MAP2K5: variants seen among roughly 807,000 people sequenced by gnomAD.
The protein encoded by MAP2K5 is mitogen-activated protein kinase kinase 5, also known as dual specificity mitogen-activated protein kinase kinase 5.
A neutral mutation model predicts 83.1 loss-of-function variants in MAP2K5; 49 were observed. The ratio of observed to expected loss-of-function variants is 0.59; its 90% CI spans 0.47 to 0.75. The LOEUF is 0.75. MAP2K5 is among the 30% of genes least tolerant of loss of function. The probability of loss-of-function intolerance (pLI) is 0.00; values close to 1 mark genes in which losing one functional copy is unlikely to be tolerated. For synonymous variants in MAP2K5, 202 were observed against 191.8 expected, an observed-to-expected ratio of 1.05 and a Z score of -0.44; for missense variants, 457 against 557.5, an observed-to-expected ratio of 0.82 and a Z score of 1.82.
intron 17 of MAP2K5, among the ~76,000 whole-genome samples, chr15:67,741,026 T>G (rs2089479395): frequency 1.1e-5 from 1 of 95,006 alleles, no homozygotes; most frequent in Non-Finnish European, 2.0e-5. Flanking sequence ...AGACTCCGTC[T>G]CAAAAAAAAA....
chr15:67,579,432 T>G (rs1447403055), intron 3 of MAP2K5, among the ~76,000 whole-genome samples: 2 of 152,226 alleles, frequency 1.3e-5, no homozygotes, highest in African/African-American at 2.4e-5. Flanking sequence ...CAGAATCTCC[T>G]GAAAGACATT....
At chr15:67,670,423 A>G (rs1016802253) in intron 13 of MAP2K5, 2 of 455,656 alleles carry the variant, frequency 4.4e-6, no homozygotes, top group African/African-American at 2.0e-5. Flanking sequence ...TTTTTAGCAA[A>G]CAAAGACCTG....
In MAP2K5 at chr15:67,777,887, G is replaced by T. The variant is rs1289984459; in HGVS notation, c.1242+5135G>T. On this transcript the variant is annotated intron_variant, in intron 21 of 21. Coordinates refer to ENST00000178640, the MANE Select transcript of MAP2K5 (RefSeq NM_145160.3). The surrounding 1 kb of genome is among the most constrained non-coding windows in gnomAD (Gnocchi z 6.0). ...ATTTAGGCACCTAAAAAGAAACACAGGATGCAGTTTGCAATTGAAATTTGA... is the reference window on the plus strand; with the variant it reads ...ATTTAGGCACCTAAAAAGAAACACATGATGCAGTTTGCAATTGAAATTTGA... Among the ~76,000 whole-genome samples the T allele has an allele frequency of 6.6e-6, 1 of 152,306 alleles. No homozygotes were observed. The highest frequency in any genetic ancestry group is 3.4e-3 in the Middle Eastern group (1 of 294).
intron 19 of MAP2K5, among the ~76,000 whole-genome samples, chr15:67,751,186 AGAC>A (rs1252106451): frequency 6.6e-6 from 1 of 152,142 alleles, no homozygotes; most frequent in East Asian, 1.9e-4. Flanking sequence ...TCCAAACAGA[AGAC>A]ACCAAAAACT....
At chr15:67,591,738 G>A (rs563607618) in intron 6 of MAP2K5, among the ~76,000 whole-genome samples, 1 of 152,144 alleles carries the variant, frequency 6.6e-6, no homozygotes, top group Admixed American at 6.5e-5. Context: ...TACTCTACTA[G>A]TCAGGTAGAT....
chr15:67,664,480 G>A, intron 12 of MAP2K5, 117 bp from the exon 13 acceptor site: 2 of 626,620 alleles, frequency 3.2e-6, no homozygotes, highest in Admixed American at 5.4e-5. Flanking sequence ...TTCAGCCTAG[G>A]TGACAGGGTG....
In MAP2K5 at chr15:67,781,732, A is replaced by C; in HGVS notation, c.1242+8980A>C. Among the ~76,000 whole-genome samples, 1 of 152,218 alleles carries C rather than the reference A, an allele frequency of 6.6e-6. No homozygotes were observed. Among genetic ancestry groups the C allele is most frequent in the Middle Eastern group, 3.2e-3 (1 of 316 alleles). On this transcript the variant is annotated intron_variant, in intron 21 of 21. Transcript: ENST00000178640. This position sits in a 1 kb window ranked among gnomAD's most constrained non-coding sequence, Gnocchi z 4.0. ...GACACAAATGAAAATGGAATTTTCA[A>C]ATGTAACCCGATTGACTCTTAATTG... is the stretch of plus-strand genomic sequence containing the variant.
chr15:67,750,704 A>AG lies in MAP2K5; in HGVS notation c.1134+2106dup, dbSNP rs2089699363. ...TCTCAAACTTCCCTAACTGCTTGCC[A>AG]GGGCTAAGTCTTCCCCTTTAGTTCC... is the stretch of plus-strand genomic sequence containing the variant. On this transcript the variant is annotated intron_variant, in intron 19 of 21. Coordinates refer to ENST00000178640, the MANE Select transcript of MAP2K5 (RefSeq NM_145160.3). The surrounding 1 kb of genome is among the most constrained non-coding windows in gnomAD (Gnocchi z 4.2). Among the ~76,000 whole-genome samples, 1 of 152,308 alleles carries AG rather than the reference A, an allele frequency of 6.6e-6. No individual in the cohort carries two copies. Among genetic ancestry groups the AG allele is most frequent in the African/African-American group, 2.4e-5 (1 of 41,572 alleles).
intron 9 of MAP2K5, among the ~76,000 whole-genome samples, chr15:67,634,413 T>G (rs1239869022): frequency 8.5e-5 from 7 of 82,664 alleles, no homozygotes; most frequent in Non-Finnish European, 2.2e-4. Context: ...AAAAAAAGAA[T>G]GTATAATCCA....
At chr15:67,712,167 C>A (rs1385442992) in intron 16 of MAP2K5, among the ~76,000 whole-genome samples, 3 of 152,178 alleles carry the variant, frequency 2.0e-5, no homozygotes, top group Non-Finnish European at 4.4e-5. Context: ...GACCTCCCAC[C>A]CTGTTCCTAG....
chr15:67,751,132 A>G (rs138812764), intron 19 of MAP2K5, among the ~76,000 whole-genome samples: 1 of 152,288 alleles, frequency 6.6e-6, no homozygotes, highest in African/African-American at 2.4e-5. Flanking sequence ...TCTGGGAGTC[A>G]GGAGGTGGAA....
Position 67,543,203 on chromosome 15 carries a change from C to T in MAP2K5, c.-133C>T, listed in dbSNP as rs2140934846. 1.1e-6 allele frequency: 1 copy of T among 904,822 alleles called. No individual in the cohort carries two copies. Among genetic ancestry groups the T allele is most frequent in the Admixed American group, 2.1e-5 (1 of 48,724 alleles). The allele number at this position is 904,822 out of a possible 1,614,324, so 56.0% of individuals were successfully genotyped here. On this transcript the variant is annotated 5_prime_UTR_variant, in exon 1 of 22. Transcript: ENST00000178640. The surrounding 1 kb of genome is among the most constrained non-coding windows in gnomAD (Gnocchi z 4.3). Reference sequence around the variant, plus strand: ...GATCACCCCTCCCCTCTTCCCTCCCCCTCATCCTCCATTCCCTTGTTTTCA... The same window carrying T: ...GATCACCCCTCCCCTCTTCCCTCCCTCTCATCCTCCATTCCCTTGTTTTCA...
intron 11 of MAP2K5, among the ~76,000 whole-genome samples, chr15:67,655,975 T>C (rs1051703423): frequency 2.0e-5 from 3 of 152,224 alleles, no homozygotes; most frequent in African/African-American, 7.2e-5. Context: ...CTTGATTCTT[T>C]CTTCTGCTGT....
chr15:67,747,075 T>C lies in MAP2K5; in HGVS notation c.1075-1156T>C, dbSNP rs762661274. ...ATACAGATGCTGGAAGGAAAGGAGCTCTGGAGGAGCCCCAGCACCACCACA... is the reference window on the plus strand; with the variant it reads ...ATACAGATGCTGGAAGGAAAGGAGCCCTGGAGGAGCCCCAGCACCACCACA... On this transcript the variant is annotated intron_variant, in intron 17 of 21. Transcript: ENST00000178640. This position sits in a 1 kb window ranked among gnomAD's most constrained non-coding sequence, Gnocchi z 4.1. 6.6e-6 allele frequency among the ~76,000 whole-genome samples: 1 copy of C among 152,114 alleles called. No homozygotes were observed. Among genetic ancestry groups the C allele is most frequent in the Non-Finnish European group, 1.5e-5 (1 of 68,022 alleles).
intron 13 of MAP2K5, among the ~76,000 whole-genome samples, chr15:67,666,952 C>T (rs2087395705): frequency 6.6e-6 from 1 of 152,148 alleles, no homozygotes; most frequent in Non-Finnish European, 1.5e-5. Context: ...AAATAAATAT[C>T]CTGTGGTAAT....
intron 9 of MAP2K5, chr15:67,642,473 A>G (rs561037859): frequency 5.0e-6 from 8 of 1,594,298 alleles, no homozygotes; most frequent in African/African-American, 4.0e-5. Context: ...AGAGCTAGAG[A>G]TGAATTTTGA....
chr15:67,748,305 G>A lies in MAP2K5; in HGVS notation c.1101+48G>A, dbSNP rs1566951103. Reference sequence around the variant, plus strand: ...AAAATTCACTTTTCTTTTTCCTGATGGCTGCTTCCTTTGCATGCTTGAATG... The same window carrying A: ...AAAATTCACTTTTCTTTTTCCTGATAGCTGCTTCCTTTGCATGCTTGAATG... On this transcript the variant is annotated intron_variant, in intron 18 of 21. Transcript: ENST00000178640. The surrounding 1 kb of genome is among the most constrained non-coding windows in gnomAD (Gnocchi z 4.0). 6.8e-7 allele frequency: 1 copy of A among 1,480,138 alleles called. No homozygotes were observed. The highest frequency in any genetic ancestry group is 9.4e-7 in the Non-Finnish European group (1 of 1,061,308). The allele number at this position is 1,480,138 out of a possible 1,614,324, so 91.7% of individuals were successfully genotyped here.
At chr15:67,658,688 C>A in intron 12 of MAP2K5, 74 bp downstream of exon 12, 2 of 1,276,396 alleles carry the variant, frequency 1.6e-6, no homozygotes, top group Non-Finnish European at 1.1e-6. Flanking sequence ...TTCTTATATT[C>A]TCAATGTTTT....
Position 67,760,194 on chromosome 15 carries a change from A to G in MAP2K5, c.1135-9408A>G, listed in dbSNP as rs1021134227. Among the ~76,000 whole-genome samples, 1 of 152,230 alleles carries G rather than the reference A, an allele frequency of 6.6e-6. No individual in the cohort carries two copies. The highest frequency in any genetic ancestry group is 1.5e-5 in the Non-Finnish European group (1 of 68,046). On this transcript the variant is annotated intron_variant, in intron 19 of 21. Transcript: ENST00000178640. The surrounding 1 kb of genome is among the most constrained non-coding windows in gnomAD (Gnocchi z 4.1). ...AACTGTTTCTTTAGAAATGACATTA[A>G]CATTCTACCAAAACACAGCAGTAAT...
Sources: allele counts gnomAD v4.1 joint callset (sites outside exome capture counted in the v4.1 genomes callset), GRCh38; gene constraint gnomAD v4.1.1; non-coding constraint Gnocchi (gnomAD v3.1); transcripts MANE v1.5; gene names NCBI Gene and HGNC (gene_info 2026-07-23, HGNC 2026-07-21).